CDK6: variants seen among roughly 807,000 people sequenced by gnomAD.
The protein encoded by CDK6 is cyclin dependent kinase 6, also known as cyclin-dependent kinase 6.
A neutral mutation model predicts 37.1 loss-of-function variants in CDK6; 6 were observed. The ratio of observed to expected loss-of-function variants is 0.16; its 90% CI spans 0.09 to 0.32. The LOEUF is 0.32. CDK6 is among the 10% of genes least tolerant of loss of function. CDK6 has a pLI of 1.00. For synonymous variants in CDK6, 160 were observed against 161.3 expected, an observed-to-expected ratio of 0.99 and a Z score of 0.06; for missense variants, 224 against 418.9, an observed-to-expected ratio of 0.53 and a Z score of 4.06.
chr7:92,810,386 A>G (rs1800844930), intron 2 of CDK6, among the ~76,000 whole-genome samples: 1 of 152,230 alleles, frequency 6.6e-6, no homozygotes, highest in African/African-American at 2.4e-5. Flanking sequence ...CCCTGGAGTC[A>G]AAAGGCTTGT....
intron 2 of CDK6, among the ~76,000 whole-genome samples, chr7:92,825,331 T>C (rs889451754): frequency 6.6e-6 from 1 of 152,164 alleles, no homozygotes; most frequent in Non-Finnish European, 1.5e-5. Flanking sequence ...TTCTGTCATT[T>C]AGAAATACTT....
At position 92,634,338 on chromosome 7, in the gene CDK6, T is replaced by C. The variant is rs192473203; in HGVS notation, c.648-11252A>G. ...GTGATTTATGATAAATTGCATCACT[T>C]CCTAAATTAGGGTTTCAAGTCTCAT... is the stretch of plus-strand genomic sequence containing the variant. On this transcript the variant is annotated intron_variant, in intron 5 of 7. Transcript: ENST00000424848. Among the ~76,000 whole-genome samples the C allele has an allele frequency of 7.9e-5, 12 of 152,314 alleles. No individual in the cohort carries two copies. The South Asian group carries it at 1.5e-3, about 18-fold the overall frequency.
intron 4 of CDK6, among the ~76,000 whole-genome samples, chr7:92,700,756 A>C (rs992289876): frequency 2.0e-5 from 3 of 152,250 alleles, no homozygotes; most frequent in Non-Finnish European, 4.4e-5. Flanking sequence ...AGAGGTGGGC[A>C]ATCAGTGGAG....
intron 3 of CDK6, among the ~76,000 whole-genome samples, chr7:92,773,713 C>T (rs1009906627): frequency 6.6e-6 from 1 of 152,144 alleles, no homozygotes; most frequent in African/African-American, 2.4e-5. Flanking sequence ...CAATATTAAT[C>T]TAAAACAAAA....
intron 6 of CDK6, among the ~76,000 whole-genome samples, chr7:92,621,437 G>C (rs753033534): frequency 3.9e-5 from 6 of 152,276 alleles, no homozygotes; most frequent in Non-Finnish European, 5.9e-5. Context: ...CATGTACTAA[G>C]GGGGCACTAA....
intron 4 of CDK6, among the ~76,000 whole-genome samples, chr7:92,721,886 T>C (rs1798375959): frequency 1.3e-5 from 2 of 152,234 alleles, no homozygotes; most frequent in South Asian, 2.1e-4. Flanking sequence ...TAAAGGGTTA[T>C]ACCTTAAGAT....
Position 92,611,289 on chromosome 7 carries a change from G to A in CDK6, c.*3851C>T. The A allele has an allele frequency of 4.5e-6, 1 of 224,244 alleles. No individual in the cohort carries two copies. Among genetic ancestry groups the A allele is most frequent in the Admixed American group, 5.7e-5 (1 of 17,494 alleles). 13.9% of individuals were successfully genotyped at this position (224,244 alleles called of 1,614,324 possible). A position where few individuals can be genotyped will look rare whatever the true frequency, so the allele number is the denominator to read the frequency against. On this transcript the variant is annotated 3_prime_UTR_variant, in exon 8 of 8. Transcript: ENST00000424848. ...AACATTCCAATATTTTCTTTCCAGG[G>A]TAAATATTCTGTAGTTTCTATACTA...
intron 5 of CDK6, among the ~76,000 whole-genome samples, chr7:92,651,035 A>G (rs574106856): frequency 1.7e-4 from 26 of 152,172 alleles, no homozygotes; most frequent in African/African-American, 6.3e-4. Flanking sequence ...GACTACAGGC[A>G]TGCGCCACCA....
chr7:92,736,000 T>C (rs1365331861), intron 3 of CDK6, among the ~76,000 whole-genome samples: 1 of 152,116 alleles, frequency 6.6e-6, no homozygotes, highest in Non-Finnish European at 1.5e-5. Context: ...TTGAAGGCAG[T>C]ATGATTTAAA....
At chr7:92,832,985 C>T in intron 2 of CDK6, 106 bp downstream of exon 2, 2 of 765,266 alleles carry the variant, frequency 2.6e-6, no homozygotes, top group South Asian at 3.4e-5. Context: ...GCAGGACCTC[C>T]CCAGTCGCCC....
intron 2 of CDK6, among the ~76,000 whole-genome samples, chr7:92,832,595 C>T (rs1482785141): frequency 6.6e-6 from 1 of 152,190 alleles, no homozygotes; most frequent in African/African-American, 2.4e-5. Flanking sequence ...TATGATGTTT[C>T]TGCATCTTGT....
intron 2 of CDK6, among the ~76,000 whole-genome samples, chr7:92,779,523 G>A (rs746310583): frequency 3.0e-4 from 46 of 152,272 alleles, no homozygotes; most frequent in Non-Finnish European, 6.2e-4. Flanking sequence ...TTTTTAAGGT[G>A]CCATTATTAT....
At chr7:92,768,046 T>C (rs575562413) in intron 3 of CDK6, among the ~76,000 whole-genome samples, 53 of 152,182 alleles carry the variant, frequency 3.5e-4, no homozygotes, top group African/African-American at 1.2e-3. Flanking sequence ...GCTACATTAA[T>C]GGAGAAGGGC....
At chr7:92,622,909 A>G in intron 6 of CDK6, 127 bp downstream of exon 6, 1 of 644,270 alleles carries the variant, frequency 1.6e-6, no homozygotes, top group Non-Finnish European at 2.8e-6. Flanking sequence ...AAATAGTAAC[A>G]CTGTCTGCAG....
chr7:92,661,165 G>A (rs1207368140), intron 5 of CDK6, among the ~76,000 whole-genome samples: 2 of 152,146 alleles, frequency 1.3e-5, no homozygotes, highest in Non-Finnish European at 2.9e-5. Flanking sequence ...ATGATGAGGA[G>A]GTCACCATCA....
At chr7:92,671,616 A>T in intron 4 of CDK6, 81 bp from the exon 5 acceptor site, 1 of 703,024 alleles carries the variant, frequency 1.4e-6, no homozygotes, top group Non-Finnish European at 2.3e-6. Flanking sequence ...TGGTTTAATG[A>T]CAAGATGTAG....
At chr7:92,636,428 T>G (rs868584265) in intron 5 of CDK6, among the ~76,000 whole-genome samples, 2 of 152,120 alleles carry the variant, frequency 1.3e-5, no homozygotes, top group South Asian at 4.1e-4. Context: ...GCAAATGAAC[T>G]TACAAGAATG....
rs1795438397 is a variant in CDK6, at chr7:92,606,762, AC to A, written c.*8377del. The A allele has an allele frequency of 4.3e-6, 1 of 233,092 alleles. No individual in the cohort carries two copies. The highest frequency in any genetic ancestry group is 8.5e-6 in the Non-Finnish European group (1 of 118,028). The allele number at this position is 233,092 out of a possible 1,614,324, so 14.4% of individuals were successfully genotyped here. Reference sequence around the variant, plus strand: ...CCAGGCCCTATGGCAATGCAGAAACACTAATACATTTTACAGTGAAAACCTA... The same window carrying A: ...CCAGGCCCTATGGCAATGCAGAAACATAATACATTTTACAGTGAAAACCTA... On this transcript the variant is annotated 3_prime_UTR_variant, in exon 8 of 8. Coordinates refer to ENST00000424848, the MANE Select transcript of CDK6 (RefSeq NM_001145306.2).
chr7:92,690,390 G>A (rs913258015), intron 4 of CDK6, among the ~76,000 whole-genome samples: 3 of 152,074 alleles, frequency 2.0e-5, no homozygotes, highest in Non-Finnish European at 4.4e-5. Flanking sequence ...TTTCCTTATT[G>A]TTTGTTTTTG....
Sources: allele counts gnomAD v4.1 joint callset (sites outside exome capture counted in the v4.1 genomes callset), GRCh38; gene constraint gnomAD v4.1.1; transcripts MANE v1.5; gene names NCBI Gene and HGNC (gene_info 2026-07-23, HGNC 2026-07-21).